PLEKHA8: variants seen among roughly 807,000 people sequenced by gnomAD.
PLEKHA8 encodes the protein pleckstrin homology domain-containing family A member 8.
In PLEKHA8, 36 loss-of-function variants were observed where a neutral mutation model predicts 68.2. The ratio of observed to expected loss-of-function variants is 0.53; its 90% CI spans 0.40 to 0.70. PLEKHA8 has a LOEUF of 0.70. PLEKHA8 is among the 30% of genes least tolerant of loss of function. The pLI is 0.00. For missense variants in PLEKHA8, 505 were observed against 615.4 expected (o/e 0.82, Z 1.90); for synonymous variants, 211 against 216.1 (o/e 0.98, Z 0.20).
chr7:30,063,176 G>A (rs999329018), intron 12 of PLEKHA8, among the ~76,000 whole-genome samples: 5 of 152,186 alleles, frequency 3.3e-5, no homozygotes, highest in East Asian at 3.8e-4. Flanking sequence ...CGTCGTCGTC[G>A]TGTAACTCCT....
intron 13 of PLEKHA8, among the ~76,000 whole-genome samples, chr7:30,106,737 G>T (rs1209294683): frequency 6.6e-6 from 1 of 152,192 alleles, no homozygotes; most frequent in Non-Finnish European, 1.5e-5. Flanking sequence ...GTTCCAAAAT[G>T]CAAAACTTGA....
chr7:30,063,717 T>C (rs1793622575), intron 12 of PLEKHA8, among the ~76,000 whole-genome samples: 1 of 152,212 alleles, frequency 6.6e-6, no homozygotes, highest in Non-Finnish European at 1.5e-5. Flanking sequence ...GACATTTCTA[T>C]AGCACTTTGT....
At chr7:30,045,257 CAAAA>C in intron 2 of PLEKHA8, 56 bp downstream of exon 2, 1 of 1,360,204 alleles carries the variant, frequency 7.4e-7, no homozygotes, top group Non-Finnish European at 1.0e-6. Context: ...CCCTCAAAAA[CAAAA>C]AAGCCCCTGG....
At chr7:30,036,120 A>T (rs532164475) in intron 1 of PLEKHA8, among the ~76,000 whole-genome samples, 29 of 151,860 alleles carry the variant, frequency 1.9e-4, no homozygotes, top group Admixed American at 8.5e-4. Flanking sequence ...GCTGGGCGTG[A>T]TGGCACACGA....
At chr7:30,125,471 T>G (rs1796757401) in intron 13 of PLEKHA8, among the ~76,000 whole-genome samples, 1 of 152,230 alleles carries the variant, frequency 6.6e-6, no homozygotes, top group South Asian at 2.1e-4. Context: ...TGGAGATTTA[T>G]CAGTACCCTG....
downstream of PLEKHA8, chr7:30,130,263 G>T (rs1796851086): frequency 6.6e-6 from 1 of 152,148 alleles, no homozygotes; most frequent in Non-Finnish European, 1.5e-5. Flanking sequence ...TAAAACAATG[G>T]TTTTGTGACC....
At chr7:30,044,460 T>C (rs895656062) in intron 1 of PLEKHA8, among the ~76,000 whole-genome samples, 1 of 152,254 alleles carries the variant, frequency 6.6e-6, no homozygotes, top group Non-Finnish European at 1.5e-5. Context: ...TTCTCCAATA[T>C]TGAAGTGAAT....
At position 30,049,314 on chromosome 7, in the gene PLEKHA8, T is replaced by C. The variant is rs1452623815; in HGVS notation, c.529T>C (p.Phe177Leu). The change falls in exon 5 of 14, where the codon TTC becomes CTC. Residue 177 changes from phenylalanine (F) to leucine (L), a missense_variant. Phe to Leu is a conservative substitution (Grantham distance 22, BLOSUM62 0). Coordinates refer to ENST00000449726, the MANE Select transcript of PLEKHA8 (RefSeq NM_001197026.2). Reference sequence around the variant, plus strand: ...ATGCATGCAGATCGCAAATGCAGCCTTCACCTCTGAGCTGCTCTACCGCAC... The same window carrying C: ...ATGCATGCAGATCGCAAATGCAGCCCTCACCTCTGAGCTGCTCTACCGCAC... ...EECMQIANAA[F>L]TSELLYRTPP... is the part of the protein sequence containing the mutation. The C allele has an allele frequency of 6.2e-7, 1 of 1,614,036 alleles. No homozygotes were observed. The highest frequency in any genetic ancestry group is 1.1e-5 in the South Asian group (1 of 91,086).
intron 13 of PLEKHA8, among the ~76,000 whole-genome samples, chr7:30,074,781 T>C (rs1794510236): frequency 6.6e-6 from 1 of 152,210 alleles, no homozygotes; most frequent in African/African-American, 2.4e-5. Flanking sequence ...ATTTTCATTG[T>C]GAAGGTGTTT....
intron 1 of PLEKHA8, among the ~76,000 whole-genome samples, chr7:30,037,923 T>C (rs1174159239): frequency 2.6e-5 from 4 of 152,166 alleles, no homozygotes; most frequent in African/African-American, 9.7e-5. Context: ...TTCATTAATT[T>C]TTCCTGATCC....
At chr7:30,093,586 C>A (rs7806238), downstream of PLEKHA8, among the ~76,000 whole-genome samples, 26,936 of 152,202 alleles carry the variant, frequency 0.18, 2,495 homozygotes, top group African/African-American at 0.24. Context: ...CTCTGGATTC[C>A]CTTTCTCCTC....
At position 30,117,200 on chromosome 7, in the gene PLEKHA8, G is replaced by T. The variant is rs115876313; in HGVS notation, c.1363-12066G>T. On this transcript the variant is annotated intron_variant, in intron 13 of 13. Transcript: ENST00000396257. ...CTCAGCTCACAGTAATTGAGAAATC[G>T]ATTCAAACTCATGCCATACAATGAA... Among the ~76,000 whole-genome samples the T allele has an allele frequency of 2.6e-5, 4 of 152,052 alleles. No homozygotes were observed. In the East Asian group the frequency reaches 5.8e-4, roughly 22 times the overall value.
At chr7:30,033,629 A>G (rs1311393154) in intron 1 of PLEKHA8, among the ~76,000 whole-genome samples, 1 of 152,192 alleles carries the variant, frequency 6.6e-6, no homozygotes, top group Non-Finnish European at 1.5e-5. Context: ...AAGTTTTTGT[A>G]TAGACATGAT....
chr7:30,033,699 CTCTT>C (rs1163344325), intron 1 of PLEKHA8, among the ~76,000 whole-genome samples: 2 of 152,122 alleles, frequency 1.3e-5, no homozygotes, highest in Non-Finnish European at 2.9e-5. Flanking sequence ...CCTATGATAA[CTCTT>C]TATTTAATAA....
intron 13 of PLEKHA8, among the ~76,000 whole-genome samples, chr7:30,121,543 C>T (rs777352968): frequency 1.2e-4 from 19 of 152,166 alleles, no homozygotes; most frequent in Middle Eastern, 3.4e-3. Context: ...GCAGGAGAAT[C>T]GCTTGAACCC....
Position 30,081,667 on chromosome 7 carries a change from T to A in PLEKHA8, c.*2880T>A, listed in dbSNP as rs1794935901. The stretch of plus-strand genomic sequence containing the variant: ...AGAGTAATCACTTTGTTCTCATCGC[T>A]CAAAGCATTTTTAGGATTATTTTTC... On this transcript the variant is annotated 3_prime_UTR_variant, in exon 14 of 14. Coordinates refer to ENST00000449726, the MANE Select transcript of PLEKHA8 (RefSeq NM_001197026.2). 1 of 985,210 alleles carries A rather than the reference T, an allele frequency of 1.0e-6. No individual in the cohort carries two copies. The highest frequency in any genetic ancestry group is 5.2e-4 in the Middle Eastern group (1 of 1,914). 61.0% of individuals were successfully genotyped at this position (985,210 alleles called of 1,614,324 possible).
intron 13 of PLEKHA8, among the ~76,000 whole-genome samples, chr7:30,116,247 T>G (rs1295915223): frequency 7.1e-6 from 1 of 141,266 alleles, no homozygotes; most frequent in Non-Finnish European, 1.5e-5. Context: ...TGCGTATACA[T>G]GTACACGTAT....
At chr7:30,053,232 G>A (rs565900473) in intron 7 of PLEKHA8, among the ~76,000 whole-genome samples, 44 of 152,284 alleles carry the variant, frequency 2.9e-4, no homozygotes, top group Admixed American at 3.9e-4. Context: ...CCCGGTTTCT[G>A]TTGGGCCTGA....
intron 1 of PLEKHA8, among the ~76,000 whole-genome samples, chr7:30,036,407 AATAGATAGATAGATAGATAGATAG>A (rs55904639): frequency 1.3e-4 from 18 of 143,424 alleles, no homozygotes; most frequent in East Asian, 4.3e-4. Context: ...GATAGGATAG[AATAGATAGATAGATAGATAGATAG>A]ATAGATAGAT....
Sources: allele counts gnomAD v4.1 joint callset (sites outside exome capture counted in the v4.1 genomes callset), GRCh38; gene constraint gnomAD v4.1.1; transcripts MANE v1.5; gene names NCBI Gene and HGNC (gene_info 2026-07-23, HGNC 2026-07-21).